Variants in EIF4G3 observed in about 807,000 individuals in gnomAD.
EIF4G3 encodes eIF-4-gamma 3.
EIF4G3 carries 34 observed loss-of-function variants against 186.4 expected under a neutral mutation model. The observed-to-expected ratio is 0.18, with a 90% CI of 0.14 to 0.24. The LOEUF is 0.24. Among genes scored for constraint, EIF4G3 ranks in the 10% least tolerant of loss-of-function variants. The pLI is 1.00. For missense variants in EIF4G3, 1,536 were observed against 1,948.5 expected, an observed-to-expected ratio of 0.79 and a Z score of 3.99; for synonymous variants, 673 against 679.5, an observed-to-expected ratio of 0.99 and a Z score of 0.15.
intron 3 of EIF4G3, among the ~76,000 whole-genome samples, chr1:21,055,781 T>TA (rs1440530977): frequency 6.6e-6 from 1 of 151,696 alleles, no homozygotes; most frequent in Admixed American, 6.6e-5. Context: ...ACTAAATACA[T>TA]AAAAAATATA....
chr1:20,822,726 A>G (rs2062725268), intron 33 of EIF4G3, among the ~76,000 whole-genome samples: 2 of 149,980 alleles, frequency 1.3e-5, no homozygotes, highest in Non-Finnish European at 3.0e-5. Context: ...GTCTGGCCTT[A>G]TTTTTCTAAT....
chr1:21,027,543 T>A (rs1011537032), intron 4 of EIF4G3, among the ~76,000 whole-genome samples: 1 of 151,700 alleles, frequency 6.6e-6, no homozygotes, highest in Non-Finnish European at 1.5e-5. Flanking sequence ...GGCAGGAGAA[T>A]CGCTTGAACT....
intron 8 of EIF4G3, 23 bp downstream of exon 8, chr1:20,982,365 A>G (rs543560433): frequency 1.3e-4 from 198 of 1,514,730 alleles, no homozygotes; most frequent in Non-Finnish European, 1.7e-4. Context: ...TAAAGAGGCC[A>G]TGCAGAACCA....
intron 13 of EIF4G3, among the ~76,000 whole-genome samples, chr1:20,947,114 T>C (rs1291161351): frequency 6.6e-6 from 1 of 152,086 alleles, no homozygotes; most frequent in Non-Finnish European, 1.5e-5. Flanking sequence ...TGGCAGGCCG[T>C]AGCAGGCAGG....
At chr1:20,828,688 C>CA (rs1304812110) in intron 31 of EIF4G3, among the ~76,000 whole-genome samples, 10 of 152,152 alleles carry the variant, frequency 6.6e-5, no homozygotes, top group African/African-American at 2.4e-4. Flanking sequence ...ATCCATTCCC[C>CA]ACTCACATCC....
intron 3 of EIF4G3, chr1:21,073,614 A>C: frequency 3.9e-6 from 2 of 513,774 alleles, no homozygotes; most frequent in Non-Finnish European, 7.7e-6. Context: ...GACCCCTCTA[A>C]GTCTCCCTGG....
In EIF4G3 at chr1:21,132,854, C is replaced by T. The variant is rs190705128; in HGVS notation, c.-272+43321G>A. ...CTGGAGTACAGTGGCATGATCTTGG[C>T]TCACTGCAACTTCCGCCTCCCAGGT... On this transcript the variant is annotated intron_variant, in intron 2 of 36. Transcript: ENST00000602326. Among the ~76,000 whole-genome samples the T allele has an allele frequency of 4.2e-3, 646 of 152,248 alleles. 3 individuals are homozygous for T. Among genetic ancestry groups the T allele is most frequent in the African/African-American group, 0.014 (583 of 41,552 alleles).
At chr1:21,107,737 G>C (rs2096642088) in intron 2 of EIF4G3, among the ~76,000 whole-genome samples, 1 of 152,144 alleles carries the variant, frequency 6.6e-6, no homozygotes, top group Non-Finnish European at 1.5e-5. Flanking sequence ...GGAGTGAAGT[G>C]GTACAATCAT....
chr1:20,946,549 A>G (rs981616940), intron 13 of EIF4G3, among the ~76,000 whole-genome samples: 1 of 152,188 alleles, frequency 6.6e-6, no homozygotes, highest in Non-Finnish European at 1.5e-5. Flanking sequence ...TTCATGTCAA[A>G]AACTCTGAGA....
At chr1:21,043,594 A>G (rs768479254) in intron 4 of EIF4G3, among the ~76,000 whole-genome samples, 1 of 152,160 alleles carries the variant, frequency 6.6e-6, no homozygotes, top group Non-Finnish European at 1.5e-5. Context: ...GGACTGCATA[A>G]AAGATTAAAC....
At chr1:21,043,395 T>C (rs1037760734) in intron 4 of EIF4G3, among the ~76,000 whole-genome samples, 1 of 152,202 alleles carries the variant, frequency 6.6e-6, no homozygotes, top group African/African-American at 2.4e-5. Context: ...CCAAACAGAA[T>C]GTAAAACTTA....
At chr1:21,051,693 T>TA (rs913010812) in intron 3 of EIF4G3, among the ~76,000 whole-genome samples, 6 of 151,780 alleles carry the variant, frequency 4.0e-5, no homozygotes, top group Admixed American at 1.3e-4. Context: ...CTGTATTTTA[T>TA]AAAAAAAAAT....
intron 4 of EIF4G3, among the ~76,000 whole-genome samples, chr1:21,017,062 CAA>C (rs1371075536): frequency 6.6e-6 from 1 of 152,094 alleles, no homozygotes; most frequent in Non-Finnish European, 1.5e-5. Flanking sequence ...AGGAGCAGCC[CAA>C]GTGTTCACTG....
At chr1:21,148,892 A>C (rs1489270991) in intron 2 of EIF4G3, among the ~76,000 whole-genome samples, 1 of 151,988 alleles carries the variant, frequency 6.6e-6, no homozygotes, top group Admixed American at 6.6e-5. Flanking sequence ...TCATATATCT[A>C]ATACTATAAA....
rs141674120 is a variant in EIF4G3 at position 21,006,190 on chromosome 1, C to T, written c.-66-3382G>A. On this transcript the variant is annotated intron_variant, in intron 4 of 36. Transcript: ENST00000602326. Reference sequence around the variant, plus strand: ...AGTGCAACTGTAAAAGATGCCTCTACTCTTTTGATCTCTTCTCTGCATTTA... The same window carrying T: ...AGTGCAACTGTAAAAGATGCCTCTATTCTTTTGATCTCTTCTCTGCATTTA... 1.8e-3 allele frequency among the ~76,000 whole-genome samples: 271 copies of T among 152,326 alleles called. 1 individual carries two copies. The highest frequency in any genetic ancestry group is 6.1e-3 in the African/African-American group (252 of 41,576).
intron 30 of EIF4G3, among the ~76,000 whole-genome samples, chr1:20,833,662 A>C (rs1018850461): frequency 1.7e-4 from 26 of 152,228 alleles, no homozygotes; most frequent in Admixed American, 1.5e-3. Flanking sequence ...GAAATCAATA[A>C]ATGTAATCCA....
intron 4 of EIF4G3, among the ~76,000 whole-genome samples, chr1:21,021,978 G>C (rs1235603085): frequency 2.0e-5 from 3 of 152,026 alleles, no homozygotes; most frequent in Admixed American, 2.0e-4. Context: ...ATAAAATCCA[G>C]CAAATACGTA....
chr1:20,874,210 A>C (rs1043458940), intron 20 of EIF4G3, among the ~76,000 whole-genome samples: 1 of 152,150 alleles, frequency 6.6e-6, no homozygotes, highest in Non-Finnish European at 1.5e-5. Flanking sequence ...ACACCTAGTA[A>C]TGGGATTGTT....
intron 4 of EIF4G3, among the ~76,000 whole-genome samples, chr1:21,010,100 AAAAT>A (rs1413575314): frequency 1.3e-5 from 2 of 152,200 alleles, no homozygotes; most frequent in African/African-American, 4.8e-5. Flanking sequence ...TGAAACTGAA[AAAAT>A]AAATGTTTAT....
Sources: allele counts gnomAD v4.1 joint callset (sites outside exome capture counted in the v4.1 genomes callset), GRCh38; gene constraint gnomAD v4.1.1; transcripts MANE v1.5; gene names NCBI Gene and HGNC (gene_info 2026-07-23, HGNC 2026-07-21).